NME7: variants seen among roughly 807,000 people sequenced by gnomAD.
NME7 encodes NME/NM23 family member 7.
NME7 carries 41 observed loss-of-function variants against 49.1 expected under a neutral mutation model. That is an observed-to-expected ratio of 0.83 (90% confidence interval 0.65 to 1.08). The LOEUF (loss-of-function observed/expected upper bound fraction) is 1.08. Among genes scored for constraint, NME7 ranks in the 50% least tolerant of loss-of-function variants. The pLI is 0.00. For synonymous variants in NME7, 139 were observed against 150.6 expected (o/e 0.92, Z 0.56); for missense variants, 423 against 463.4 (o/e 0.91, Z 0.80).
chr1:169,296,515 TCTATCTATA>T (rs200951894), intron 6 of NME7, among the ~76,000 whole-genome samples: 2,201 of 152,236 alleles, frequency 0.014, 55 homozygotes, highest in African/African-American at 0.05. Flanking sequence ...TCTTTACTTC[TCTATCTATA>T]CCTTCTCCTT....
chr1:169,163,648 G>C (rs920643680), intron 11 of NME7, among the ~76,000 whole-genome samples: 3 of 151,894 alleles, frequency 2.0e-5, no homozygotes, highest in Non-Finnish European at 2.9e-5. Context: ...TTCCTTATTT[G>C]GATGCTTGTA....
At chr1:169,209,268 T>C (rs1660752560) in intron 10 of NME7, among the ~76,000 whole-genome samples, 1 of 152,094 alleles carries the variant, frequency 6.6e-6, no homozygotes. Context: ...CAAGATTGCA[T>C]GCATTTTTGC....
chr1:169,155,487 A>G (rs1217148933), intron 11 of NME7, among the ~76,000 whole-genome samples: 1 of 152,234 alleles, frequency 6.6e-6, no homozygotes, highest in Non-Finnish European at 1.5e-5. Flanking sequence ...TGATCTACAG[A>G]AGATGCAATG....
intron 10 of NME7, among the ~76,000 whole-genome samples, chr1:169,173,850 T>C (rs1201326576): frequency 6.6e-6 from 1 of 152,196 alleles, no homozygotes; most frequent in African/African-American, 2.4e-5. Context: ...CAACACAAAG[T>C]ACCAACATAT....
intron 11 of NME7, among the ~76,000 whole-genome samples, chr1:169,144,823 A>T (rs1658703807): frequency 6.6e-6 from 1 of 152,178 alleles, no homozygotes; most frequent in African/African-American, 2.4e-5. Flanking sequence ...CAATTTGTTT[A>T]TTATACAACA....
intron 10 of NME7, among the ~76,000 whole-genome samples, chr1:169,175,698 A>C (rs1409018158): frequency 1.3e-5 from 2 of 151,998 alleles, no homozygotes; most frequent in Non-Finnish European, 2.9e-5. Flanking sequence ...GTTTATCACG[A>C]GGTCACTAGT....
intron 3 of NME7, among the ~76,000 whole-genome samples, chr1:169,319,045 AT>A (rs1418318351): frequency 1.3e-5 from 2 of 150,446 alleles, no homozygotes; most frequent in Non-Finnish European, 1.5e-5. Flanking sequence ...TTTAATTTTA[AT>A]TTTAATTTTA....
chr1:169,160,954 G>C (rs1659226593), intron 11 of NME7, among the ~76,000 whole-genome samples: 1 of 152,054 alleles, frequency 6.6e-6, no homozygotes, highest in Non-Finnish European at 1.5e-5. Flanking sequence ...ATTTTCTCCT[G>C]AATTACTTAA....
intron 10 of NME7, among the ~76,000 whole-genome samples, chr1:169,228,590 T>A (rs1365721980): frequency 6.9e-6 from 1 of 145,740 alleles, no homozygotes; most frequent in East Asian, 2.1e-4. Context: ...GGCAGGAGAA[T>A]GGCGTGAACC....
At chr1:169,194,810 A>G (rs916561277) in intron 10 of NME7, among the ~76,000 whole-genome samples, 5 of 152,220 alleles carry the variant, frequency 3.3e-5, no homozygotes, top group African/African-American at 1.2e-4. Context: ...AGTCAGAAAA[A>G]GTACCTAATC....
intron 11 of NME7, among the ~76,000 whole-genome samples, chr1:169,168,321 TC>T (rs1236269087): frequency 2.6e-5 from 4 of 152,176 alleles, no homozygotes; most frequent in Non-Finnish European, 4.4e-5. Flanking sequence ...GCCTTATGCT[TC>T]CTCAGTTGAA....
intron 7 of NME7, among the ~76,000 whole-genome samples, chr1:169,245,735 C>G (rs916537838): frequency 2.0e-5 from 3 of 152,024 alleles, no homozygotes; most frequent in African/African-American, 7.2e-5. Context: ...AGACGTGTAT[C>G]TTTAAAACAT....
At position 169,324,403 on chromosome 1, in the gene NME7, G is replaced by A. The variant is rs758806119; in HGVS notation, c.101C>T (p.Ser34Phe). The change falls in exon 2 of 12, where the codon TCT becomes TTT. Residue 34 changes from serine to phenylalanine, a missense_variant. Ser to Phe is a radical substitution (Grantham distance 155, BLOSUM62 -2). Transcript: ENST00000367811. ...GAAAGGCTTATTTACCATTTCAACA[G>A]ATCCATCCCCTGGGTAAAATAAAAG... ...YELLFYPGDG[S>F]VEMHDVKNHR... The A allele has an allele frequency of 1.5e-5, 24 of 1,608,232 alleles. No homozygotes were observed. Among genetic ancestry groups the A allele is most frequent in the Non-Finnish European group, 2.0e-5 (24 of 1,174,842 alleles).
At position 169,342,578 on chromosome 1, in the gene NME7, A is replaced by ATATATATATACAAGTACATATATATATAG. The variant is rs1557831216; in HGVS notation, c.4-18079_4-18078insCTATATATATATGTACTTGTATATATATA. Among the ~76,000 whole-genome samples, 5 of 92,818 alleles carry ATATATATATACAAGTACATATATATATAG rather than the reference A, an allele frequency of 5.4e-5. 1 individual carries two copies. Among genetic ancestry groups the ATATATATATACAAGTACATATATATATAG allele is most frequent in the Non-Finnish European group, 1.1e-4 (5 of 45,620 alleles). The allele number at this position is 92,818 out of a possible 152,430, so 60.9% of individuals were successfully genotyped here. On this transcript the variant is annotated intron_variant, in intron 1 of 11. Transcript: ENST00000367811. ...ATATATACAAGTACATATATATAGT[A>ATATATATATACAAGTACATATATATATAG]TATATATATATACAAGTACATATAT...
chr1:169,309,514 C>A (rs557333417), intron 4 of NME7, among the ~76,000 whole-genome samples: 1 of 152,226 alleles, frequency 6.6e-6, no homozygotes, highest in Non-Finnish European at 1.5e-5. Flanking sequence ...AGCAGCACTG[C>A]GATTCACCAT....
At chr1:169,312,136 T>C (rs1414666307) in intron 3 of NME7, among the ~76,000 whole-genome samples, 1 of 152,210 alleles carries the variant, frequency 6.6e-6, no homozygotes, top group Non-Finnish European at 1.5e-5. Flanking sequence ...GGCTGTGCAA[T>C]GGTTTCACCT....
At chr1:169,216,343 A>G (rs1399141429) in intron 10 of NME7, among the ~76,000 whole-genome samples, 3 of 152,212 alleles carry the variant, frequency 2.0e-5, no homozygotes, top group Non-Finnish European at 4.4e-5. Flanking sequence ...TCAGTGGCCA[A>G]TAATTTAACC....
At chr1:169,320,277 G>T (rs1241843708) in intron 3 of NME7, among the ~76,000 whole-genome samples, 1 of 152,140 alleles carries the variant, frequency 6.6e-6, no homozygotes, top group African/African-American at 2.4e-5. Context: ...ATAAAGAGAG[G>T]ATAAAAATGT....
intron 1 of NME7, among the ~76,000 whole-genome samples, chr1:169,326,093 A>G (rs1010945256): frequency 1.3e-5 from 2 of 152,152 alleles, no homozygotes; most frequent in South Asian, 2.1e-4. Flanking sequence ...TAAAATAAAT[A>G]TAAAATAGAA....
Sources: allele counts gnomAD v4.1 joint callset (sites outside exome capture counted in the v4.1 genomes callset), GRCh38; gene constraint gnomAD v4.1.1; transcripts MANE v1.5; gene names NCBI Gene and HGNC (gene_info 2026-07-23, HGNC 2026-07-21).